ITGA3: variants seen among roughly 807,000 people sequenced by gnomAD.
ITGA3 encodes integrin alpha-3.
Under a neutral mutation model 131.1 loss-of-function variants are expected in ITGA3, and 70 were observed. The ratio of observed to expected loss-of-function variants is 0.53; its 90% CI spans 0.44 to 0.65. The LOEUF is 0.65. ITGA3 is among the 30% of genes least tolerant of loss of function. The probability of loss-of-function intolerance (pLI) is 0.00; values close to 1 mark genes in which losing one functional copy is unlikely to be tolerated. For synonymous variants in ITGA3, 537 were observed against 571.6 expected (o/e 0.94, Z 0.86); for missense variants, 1,098 against 1,388.6 (o/e 0.79, Z 3.33).
intron 1 of ITGA3, among the ~76,000 whole-genome samples, chr17:50,062,597 C>T (rs528720701): frequency 3.5e-4 from 54 of 152,316 alleles, no homozygotes; most frequent in African/African-American, 1.3e-3. Flanking sequence ...CAAGGTCCCA[C>T]CCCCTTCCCA....
At chr17:50,068,833 T>A (rs1038294949) in intron 4 of ITGA3, among the ~76,000 whole-genome samples, 17 of 138,600 alleles carry the variant, frequency 1.2e-4, no homozygotes, top group African/African-American at 4.1e-4. Context: ...TTTATTTATT[T>A]ATTTATTTAT....
chr17:50,070,813 C>T (rs1908589710), intron 4 of ITGA3, 31 bp from the exon 5 acceptor site: 1 of 1,473,978 alleles, frequency 6.8e-7, no homozygotes, highest in African/African-American at 1.4e-5. Flanking sequence ...GACTTATACT[C>T]CCTACTCTCC....
At chr17:50,079,308 G>T (rs368351078) in intron 20 of ITGA3, 50 bp downstream of exon 20, 329 of 1,589,720 alleles carry the variant, frequency 2.1e-4, no homozygotes, top group South Asian at 1.8e-3. Flanking sequence ...GGGCAGAAAG[G>T]CCAGTGTCTT....
chr17:50,065,814 A>G (rs1235504033), intron 3 of ITGA3: 2 of 152,034 alleles, frequency 1.3e-5, no homozygotes, highest in East Asian at 1.9e-4. Context: ...CCGGTGGATC[A>G]TGAGGTCAGA....
At chr17:50,069,138 G>A (rs899792331) in intron 4 of ITGA3, among the ~76,000 whole-genome samples, 4 of 151,900 alleles carry the variant, frequency 2.6e-5, no homozygotes, top group South Asian at 4.1e-4. Context: ...GTGAGCCACC[G>A]CGCCCAGCCT....
intron 8 of ITGA3, 63 bp downstream of exon 8, chr17:50,074,067 C>T: frequency 6.4e-7 from 1 of 1,553,240 alleles, no homozygotes; most frequent in Non-Finnish European, 8.9e-7. Flanking sequence ...CCTTGCTTTC[C>T]TTCACCCAAC....
At chr17:50,072,224 C>A in intron 7 of ITGA3, 42 bp downstream of exon 7, 2 of 1,544,084 alleles carry the variant, frequency 1.3e-6, no homozygotes, top group Non-Finnish European at 1.8e-6. Context: ...TCCTCCAGCA[C>A]CCCTCCTCCC....
intron 22 of ITGA3, 129 bp from the exon 23 acceptor site, chr17:50,081,181 C>T (rs1909169891): frequency 4.9e-6 from 3 of 614,844 alleles, no homozygotes; most frequent in Non-Finnish European, 8.9e-6. Flanking sequence ...GCCTGGCTGA[C>T]AGATCCTTTG....
intron 23 of ITGA3, among the ~76,000 whole-genome samples, chr17:50,082,304 A>G (rs1336251894): frequency 2.0e-5 from 3 of 152,020 alleles, no homozygotes; most frequent in Non-Finnish European, 4.4e-5. Flanking sequence ...TTGGCCTCCC[A>G]AGTAGCTGGG....
intron 24 of ITGA3, 86 bp from the exon 25 acceptor site, chr17:50,088,139 C>A (rs907413342): frequency 6.8e-7 from 1 of 1,477,192 alleles, no homozygotes; most frequent in African/African-American, 1.4e-5. Context: ...GGCTCCCCAG[C>A]CCTAAAGCCC....
intron 1 of ITGA3, chr17:50,063,774 A>C: frequency 2.8e-6 from 1 of 361,816 alleles, no homozygotes; most frequent in Non-Finnish European, 5.1e-6. Flanking sequence ...CCCCTTCTTC[A>C]CCTGGAGAAC....
intron 25 of ITGA3, among the ~76,000 whole-genome samples, 192 bp from the exon 26 acceptor site, chr17:50,088,918 A>G (rs971164613): frequency 3.3e-5 from 5 of 149,430 alleles, no homozygotes; most frequent in African/African-American, 9.9e-5. Context: ...GCCTTCCTCA[A>G]CTCCTTCTTC....
chr17:50,086,466 A>G (rs1308203353), intron 23 of ITGA3: 1 of 150,978 alleles, frequency 6.6e-6, no homozygotes, highest in Non-Finnish European at 1.5e-5. Flanking sequence ...AGGCAGGTGG[A>G]TCACCTGAGT....
intron 20 of ITGA3, 35 bp from the exon 21 acceptor site, chr17:50,079,400 C>T: frequency 6.5e-7 from 1 of 1,547,722 alleles, no homozygotes; most frequent in South Asian, 1.2e-5. Context: ...AATTCTTCCT[C>T]TGCCCTGCCA....
rs915380629 is a variant in ITGA3 at position 50,064,520 on chromosome 17, G to A, written c.335-8G>A. On this transcript the variant is annotated splice_region_variant and splice_polypyrimidine_tract_variant and intron_variant, in intron 2 of 25. Transcript: ENST00000320031. This position sits in a 1 kb window ranked among gnomAD's most constrained non-coding sequence, Gnocchi z 4.4. ...TGCTCTGATTCATGATCCTTCCGGT[G>A]CCCACAGATGACCCTGGCCATCACA... The A allele has an allele frequency of 6.2e-7, 1 of 1,609,620 alleles. No individual in the cohort carries two copies. Among genetic ancestry groups the A allele is most frequent in the Admixed American group, 1.7e-5 (1 of 59,440 alleles).
In ITGA3 at chr17:50,068,996, C is replaced by A. The variant is rs1374032560; in HGVS notation, c.664+691C>A. Reference sequence around the variant, plus strand: ...TTGAGTAGCTGGGACTACAGGTGCCCGCCACCATGCCCGGCTAATTTTTTT... The same window carrying A: ...TTGAGTAGCTGGGACTACAGGTGCCAGCCACCATGCCCGGCTAATTTTTTT... On this transcript the variant is annotated intron_variant, in intron 4 of 25. Transcript: ENST00000320031. Among the ~76,000 whole-genome samples, 3 of 151,678 alleles carry A rather than the reference C, an allele frequency of 2.0e-5. No individual in the cohort carries two copies. The East Asian group carries it at 5.8e-4, about 29-fold the overall frequency.
At position 50,064,090 on chromosome 17, in the gene ITGA3, G is replaced by T. The variant is rs1908213505; in HGVS notation, c.220G>T (p.Ala74Ser). ...CCCTATCCCCAGGCTCCTGGCTGGTGCCCCCCGGGAGCTCGCTGTGCCCGA... is the reference window on the plus strand; with the variant it reads ...CCCTATCCCCAGGCTCCTGGCTGGTTCCCCCCGGGAGCTCGCTGTGCCCGA... ...RQQRYLLLAG[A>S]PRELAVPDGY... The change falls in exon 2 of 26, where the codon GCC (alanine) becomes TCC (serine). Residue 74 changes from alanine to serine, a missense_variant. This residue lies in a region of ITGA3 where 356 missense variants were observed against 529.2 expected (regional missense o/e 0.67). Transcript: ENST00000320031. The surrounding 1 kb of genome is among the most constrained non-coding windows in gnomAD (Gnocchi z 4.4). The T allele has an allele frequency of 6.2e-7, 1 of 1,612,656 alleles. No homozygotes were observed. Among genetic ancestry groups the T allele is most frequent in the African/African-American group, 1.3e-5 (1 of 74,964 alleles).
Position 50,087,828 on chromosome 17 carries a change from G to A in ITGA3, c.3004G>A (p.Gly1002Arg). 1 of 1,610,492 alleles carries A rather than the reference G, an allele frequency of 6.2e-7. No individual in the cohort carries two copies. Among genetic ancestry groups the A allele is most frequent in the Non-Finnish European group, 8.5e-7 (1 of 1,178,452 alleles). Reference sequence around the variant, plus strand: ...GCTGGTGCTGGTGGCCGTGGGTGCAGGGCTGCTGCTGCTGGGGCTGATCAT... The same window carrying A: ...GCTGGTGCTGGTGGCCGTGGGTGCAAGGCTGCTGCTGCTGGGGCTGATCAT... ...LWLVLVAVGA[G>R]LLLLGLIILL... The change falls in exon 24 of 26, where the codon GGG becomes AGG. Residue 1002 changes from glycine (G) to arginine (R), a missense_variant. Gly to Arg is a moderately radical substitution (Grantham distance 125). This residue lies in a region of ITGA3 where 699 missense variants were observed against 829.2 expected (regional missense o/e 0.84). Coordinates refer to ENST00000320031, the MANE Select transcript of ITGA3 (RefSeq NM_002204.4).
chr17:50,057,489 GGGTCCCCCTCACTCCACCA>G (rs958734717), intron 1 of ITGA3, among the ~76,000 whole-genome samples: 5 of 152,218 alleles, frequency 3.3e-5, no homozygotes, highest in African/African-American at 1.2e-4. Context: ...CCAGCCTCCT[GGGTCCCCCTCACTCCACCA>G]GACGCCCTCA....
Sources: allele counts gnomAD v4.1 joint callset (sites outside exome capture counted in the v4.1 genomes callset), GRCh38; gene constraint gnomAD v4.1.1; regional missense constraint gnomAD v4.1.1; non-coding constraint Gnocchi (gnomAD v3.1); transcripts MANE v1.5; gene names NCBI Gene and HGNC (gene_info 2026-07-23, HGNC 2026-07-21).